Variants in CSMD1 observed in about 807,000 individuals in gnomAD.
CSMD1 encodes CUB and sushi domain-containing protein 1.
CSMD1 carries 213 observed loss-of-function variants against 417.5 expected under a neutral mutation model. The ratio of observed to expected loss-of-function variants is 0.51; its 90% CI spans 0.46 to 0.57. The LOEUF (loss-of-function observed/expected upper bound fraction) is 0.57, where lower values mean the gene tolerates loss of function less well. CSMD1 is among the 20% of genes least tolerant of loss of function. The pLI, the probability that CSMD1 is intolerant of heterozygous loss-of-function variation, is 0.00. For missense variants in CSMD1, 6,923 were observed against 4,529.7 expected (o/e 1.53, Z -15.17); for synonymous variants, 2,862 against 1,736.8 (o/e 1.65, Z -16.11).
At chr8:4,296,860 G>A (rs925066092) in intron 3 of CSMD1, among the ~76,000 whole-genome samples, 1 of 151,898 alleles carries the variant, frequency 6.6e-6, no homozygotes, top group Non-Finnish European at 1.5e-5. Context: ...TCCCAGACTT[G>A]TCTTAGACTC....
At chr8:3,539,170 G>C (rs573369000) in intron 10 of CSMD1, among the ~76,000 whole-genome samples, 6 of 152,136 alleles carry the variant, frequency 3.9e-5, no homozygotes, top group African/African-American at 4.8e-5. Flanking sequence ...TCTGGCCGCA[G>C]GGCTCTTGCA....
intron 3 of CSMD1, among the ~76,000 whole-genome samples, chr8:4,409,634 CTTTTT>C (rs201131346): frequency 5.0e-5 from 4 of 80,348 alleles, no homozygotes; most frequent in African/African-American, 1.0e-4. Flanking sequence ...CATTATTTGA[CTTTTT>C]TTCTTTTTTT....
At chr8:4,710,507 T>C (rs964533244) in intron 1 of CSMD1, among the ~76,000 whole-genome samples, 12 of 148,750 alleles carry the variant, frequency 8.1e-5, no homozygotes, top group Non-Finnish European at 1.5e-4. Flanking sequence ...TCAAATTACA[T>C]TGAGTAAGTG....
chr8:4,051,404 A>G (rs1260987871), intron 3 of CSMD1, among the ~76,000 whole-genome samples: 1 of 152,122 alleles, frequency 6.6e-6, no homozygotes. Context: ...CCAGTAGCAT[A>G]ATGTAGTTAA....
At chr8:3,955,191 C>T (rs1012534479) in intron 5 of CSMD1, among the ~76,000 whole-genome samples, 3 of 152,200 alleles carry the variant, frequency 2.0e-5, no homozygotes, top group Non-Finnish European at 4.4e-5. Flanking sequence ...CCCGTGACCA[C>T]GTGCAGAGCA....
chr8:4,968,954 T>C (rs913329205), intron 1 of CSMD1, among the ~76,000 whole-genome samples: 5 of 152,108 alleles, frequency 3.3e-5, no homozygotes, highest in African/African-American at 1.2e-4. Flanking sequence ...CATCACTCCA[T>C]GAATGTTCAA....
intron 25 of CSMD1, among the ~76,000 whole-genome samples, chr8:3,293,239 C>T (rs1803712121): frequency 6.6e-6 from 1 of 152,154 alleles, no homozygotes; most frequent in South Asian, 2.1e-4. Flanking sequence ...CCGGACCTTT[C>T]TCTCTGGCTG....
intron 2 of CSMD1, among the ~76,000 whole-genome samples, chr8:4,475,424 T>G (rs1412894959): frequency 6.6e-6 from 1 of 152,102 alleles, no homozygotes; most frequent in Non-Finnish European, 1.5e-5. Flanking sequence ...TTCTCTTTTT[T>G]AATATTCACC....
intron 5 of CSMD1, among the ~76,000 whole-genome samples, chr8:3,962,359 T>C (rs1462213787): frequency 6.6e-6 from 1 of 152,128 alleles, no homozygotes; most frequent in African/African-American, 2.4e-5. Flanking sequence ...TACAGTGCAC[T>C]AGAGCAGAGT....
intron 5 of CSMD1, among the ~76,000 whole-genome samples, chr8:3,819,010 C>T (rs1224785061): frequency 6.6e-6 from 1 of 152,194 alleles, no homozygotes; most frequent in Non-Finnish European, 1.5e-5. Flanking sequence ...TGATTTATCA[C>T]TCTCTTTTGA....
chr8:4,408,770 G>T (rs984927886), intron 3 of CSMD1, among the ~76,000 whole-genome samples: 5 of 152,124 alleles, frequency 3.3e-5, no homozygotes, highest in Non-Finnish European at 7.4e-5. Flanking sequence ...GAGGCCATCA[G>T]CTGCCATTTT....
rs149195904 is a variant in CSMD1, at chr8:4,745,987, G to C, written c.86-108429C>G. Among the ~76,000 whole-genome samples the C allele has an allele frequency of 1.3e-3, 203 of 152,282 alleles. 2 individuals carry two copies. Among genetic ancestry groups the C allele is most frequent in the African/African-American group, 4.6e-3 (190 of 41,570 alleles). On this transcript the variant is annotated intron_variant, in intron 1 of 69. Coordinates refer to ENST00000635120, the MANE Select transcript of CSMD1 (RefSeq NM_033225.6). ...CTTTGAAGTACAGGCTAAGAATCAA[G>C]ATATGGTTTAGAAAAAGAAAATCTT...
At chr8:4,185,743 G>A (rs1348032856) in intron 3 of CSMD1, among the ~76,000 whole-genome samples, 1 of 152,168 alleles carries the variant, frequency 6.6e-6, no homozygotes, top group Non-Finnish European at 1.5e-5. Flanking sequence ...CCTTTGAAGA[G>A]CTATCATTTT....
At chr8:4,227,018 T>C (rs367915571) in intron 3 of CSMD1, among the ~76,000 whole-genome samples, 2 of 152,174 alleles carry the variant, frequency 1.3e-5, no homozygotes, top group African/African-American at 4.8e-5. Flanking sequence ...TCATTATCTC[T>C]GCAGGTGAGA....
intron 3 of CSMD1, among the ~76,000 whole-genome samples, chr8:4,335,909 TCAAAAATAGTGAGGGAGCCC>T (rs1394287750): frequency 6.6e-6 from 1 of 151,934 alleles, no homozygotes; most frequent in Non-Finnish European, 1.5e-5. Flanking sequence ...TGCAATATGA[TCAAAAATAGTGAGGGAGCCC>T]CATATTGGAG....
chr8:3,749,395 G>C (rs912920046), intron 6 of CSMD1, among the ~76,000 whole-genome samples: 1 of 152,104 alleles, frequency 6.6e-6, no homozygotes, highest in African/African-American at 2.4e-5. Context: ...AGCAACTGTA[G>C]AACAGTTTTA....
intron 26 of CSMD1, among the ~76,000 whole-genome samples, chr8:3,248,450 G>C (rs1193243097): frequency 6.7e-6 from 1 of 149,844 alleles, no homozygotes; most frequent in East Asian, 2.0e-4. Flanking sequence ...GGAAGTGTGA[G>C]ACAGACAACA....
At chr8:3,036,269 T>G (rs1318285493) in intron 50 of CSMD1, among the ~76,000 whole-genome samples, 2 of 152,296 alleles carry the variant, frequency 1.3e-5, no homozygotes, top group Middle Eastern at 3.4e-3. Context: ...GGAAGTGAGA[T>G]TACCATAAAT....
At chr8:3,620,995 G>A (rs1440655382) in intron 7 of CSMD1, among the ~76,000 whole-genome samples, 1 of 152,098 alleles carries the variant, frequency 6.6e-6, no homozygotes, top group Non-Finnish European at 1.5e-5. Context: ...CTTAAGGTGA[G>A]CCCTAATCCA....
Sources: allele counts gnomAD v4.1 joint callset (sites outside exome capture counted in the v4.1 genomes callset), GRCh38; gene constraint gnomAD v4.1.1; transcripts MANE v1.5; gene names NCBI Gene and HGNC (gene_info 2026-07-23, HGNC 2026-07-21).